The following FAH variants were observed in gnomAD, a reference collection of about 807,000 sequenced individuals.
The protein encoded by FAH is fumarylacetoacetate hydrolase.
FAH carries 47 observed loss-of-function variants against 55.8 expected under a neutral mutation model. The observed-to-expected ratio is 0.84, with a 90% CI of 0.67 to 1.07. The LOEUF is 1.07. FAH is among the 50% of genes least tolerant of loss of function. The pLI is 0.00. For synonymous variants in FAH, 199 were observed against 207.7 expected (o/e 0.96, Z 0.36); for missense variants, 495 against 545.9 (o/e 0.91, Z 0.93).
At chr15:80,155,699 T>C (rs752963756) in intron 1 of FAH, among the ~76,000 whole-genome samples, 39 of 151,474 alleles carry the variant, frequency 2.6e-4, no homozygotes, top group Middle Eastern at 3.4e-3. Flanking sequence ...CACACTGATA[T>C]TTATTGCACA....
Position 80,173,446 on chromosome 15 carries a change from A to G in FAH, c.837+302A>G, listed in dbSNP as rs1595894916. ...GCCAGTTGGCAGGAGGAGTCCCTGC[A>G]GGTACCAACATTGCACAACCTCCCA... is the stretch of plus-strand genomic sequence containing the variant. On this transcript the variant is annotated intron_variant, in intron 9 of 13. Coordinates refer to ENST00000561421, the MANE Select transcript of FAH (RefSeq NM_000137.4). 3 of 493,042 alleles carry G rather than the reference A, an allele frequency of 6.1e-6. No homozygotes were observed. The East Asian group carries it at 1.2e-4, about 19-fold the overall frequency. The allele number at this position is 493,042 out of a possible 1,614,324, so 30.5% of individuals were successfully genotyped here. A position where few individuals can be genotyped will look rare whatever the true frequency, so the allele number is the denominator to read the frequency against.
At chr15:80,176,928 C>T (rs2041289208) in intron 10 of FAH, among the ~76,000 whole-genome samples, 1 of 152,204 alleles carries the variant, frequency 6.6e-6, no homozygotes, top group East Asian at 1.9e-4. Flanking sequence ...CACACCTGTT[C>T]TGTGCCACCT....
chr15:80,177,062 T>C (rs2041290207), intron 10 of FAH, among the ~76,000 whole-genome samples: 1 of 152,222 alleles, frequency 6.6e-6, no homozygotes, highest in Non-Finnish European at 1.5e-5. Context: ...AGTAGATGTT[T>C]AGTAAATATT....
chr15:80,158,044 G>A lies in FAH; in HGVS notation c.82-16G>A, dbSNP rs1282620446. On this transcript the variant is annotated splice_polypyrimidine_tract_variant and intron_variant, in intron 1 of 13. Transcript: ENST00000561421. ...AGGGGCTTTTTCTGGTGCTGACGGT[G>A]TCGTCTTCCTCCTAGCCAAGACCGA... The A allele has an allele frequency of 1.1e-5, 18 of 1,600,040 alleles. No homozygotes were observed. The highest frequency in any genetic ancestry group is 1.5e-5 in the Non-Finnish European group (18 of 1,167,358).
chr15:80,173,335 T>G, intron 9 of FAH, 191 bp downstream of exon 9: 1 of 729,458 alleles, frequency 1.4e-6, no homozygotes, highest in Non-Finnish European at 2.4e-6. Context: ...TCATTCTCCC[T>G]TGTGGTTTCC....
In FAH at chr15:80,162,593, C is replaced by G; in HGVS notation, c.455+257C>G. 8 of 541,234 alleles carry G rather than the reference C, an allele frequency of 1.5e-5. No homozygotes were observed. The South Asian group carries it at 1.6e-4, about 11-fold the overall frequency. 33.5% of individuals were successfully genotyped at this position (541,234 alleles called of 1,614,324 possible). A position where few individuals can be genotyped will look rare whatever the true frequency, so the allele number is the denominator to read the frequency against. ...GGGGTTGGAATTAGATTCCCTTAAT[C>G]CCTATGCTCCTTCTGGAGTCTTTCA... On this transcript the variant is annotated intron_variant, in intron 5 of 13. Coordinates refer to ENST00000561421, the MANE Select transcript of FAH (RefSeq NM_000137.4).
intron 9 of FAH, among the ~76,000 whole-genome samples, chr15:80,174,747 C>T (rs2041268369): frequency 1.3e-5 from 2 of 152,198 alleles, no homozygotes. Flanking sequence ...CCTCCTGTGG[C>T]TTTCAGGAAC....
chr15:80,158,239 C>T (rs2041116784), intron 2 of FAH, 69 bp downstream of exon 2: 2 of 1,063,578 alleles, frequency 1.9e-6, no homozygotes, highest in Non-Finnish European at 3.0e-6. Context: ...CAAGAGAATG[C>T]TCCTTGCGTT....
chr15:80,171,200 C>A (rs942480172), intron 7 of FAH, among the ~76,000 whole-genome samples: 1 of 151,746 alleles, frequency 6.6e-6, no homozygotes, highest in Non-Finnish European at 1.5e-5. Context: ...CCCATTAAGT[C>A]GTCATTTAGC....
chr15:80,177,396 C>G lies in FAH; in HGVS notation c.914-141C>G, dbSNP rs1487537354. The G allele has an allele frequency of 1.9e-5, 15 of 791,340 alleles. No individual in the cohort carries two copies. In the East Asian group the frequency reaches 3.5e-4, roughly 18 times the overall value. The allele number at this position is 791,340 out of a possible 1,614,324, so 49.0% of individuals were successfully genotyped here. A position where few individuals can be genotyped will look rare whatever the true frequency, so the allele number is the denominator to read the frequency against. ...CCCTGGACCTCCCAGCTCTGATGTC[C>G]TAGGAGCTAATTGTTTCACAGACTC... On this transcript the variant is annotated intron_variant, in intron 10 of 13. Coordinates refer to ENST00000561421, the MANE Select transcript of FAH (RefSeq NM_000137.4).
Position 80,173,158 on chromosome 15 carries a change from C to T in FAH, c.837+14C>T. On this transcript the variant is annotated intron_variant, in intron 9 of 13. Coordinates refer to ENST00000561421, the MANE Select transcript of FAH (RefSeq NM_000137.4). ...AACCCGAAGCAGGTAAGCACATTCTCTGCAGGAAGCTCCCAAACCCAGCCC... is the reference window on the plus strand; with the variant it reads ...AACCCGAAGCAGGTAAGCACATTCTTTGCAGGAAGCTCCCAAACCCAGCCC... 1 of 1,614,204 alleles carries T rather than the reference C, an allele frequency of 6.2e-7. No homozygotes were observed. The highest frequency in any genetic ancestry group is 1.1e-5 in the South Asian group (1 of 91,082).
At chr15:80,163,777 C>A (rs1444140142) in intron 5 of FAH, 1 of 152,160 alleles carries the variant, frequency 6.6e-6, no homozygotes, top group African/African-American at 2.4e-5. Flanking sequence ...ATCTATCCTA[C>A]AGAAATAAAA....
chr15:80,172,394 C>T, intron 8 of FAH, 146 bp downstream of exon 8: 2 of 652,302 alleles, frequency 3.1e-6, no homozygotes, highest in Non-Finnish European at 5.5e-6. Flanking sequence ...ATCAAACAGA[C>T]TTTCAGCTCT....
intron 5 of FAH, among the ~76,000 whole-genome samples, chr15:80,165,703 C>A (rs1228846271): frequency 2.7e-5 from 4 of 150,360 alleles, no homozygotes; most frequent in Non-Finnish European, 5.9e-5. Flanking sequence ...TCAAACCCCA[C>A]CCCCCACCAA....
intron 9 of FAH, 125 bp from the exon 10 acceptor site, chr15:80,174,891 C>T (rs1304408765): frequency 2.6e-6 from 2 of 773,506 alleles, no homozygotes; most frequent in African/African-American, 3.4e-5. Context: ...AGGGAATGCT[C>T]CTGCTGTCTC....
At chr15:80,159,690 T>C (rs1174963257) in intron 2 of FAH, 66 bp from the exon 3 acceptor site, 32 of 1,598,740 alleles carry the variant, frequency 2.0e-5, no homozygotes, top group Middle Eastern at 1.7e-4. Flanking sequence ...TGGCCTTCCA[T>C]TGGAAGGAGG....
At chr15:80,184,926 T>TGAG (rs2142111595) in intron 13 of FAH, among the ~76,000 whole-genome samples, 1 of 152,240 alleles carries the variant, frequency 6.6e-6, no homozygotes, top group East Asian at 1.9e-4. Context: ...TCCATGCTGC[T>TGAG]CGCTCAGCAC....
At chr15:80,182,699 T>C (rs74027255) in intron 13 of FAH, among the ~76,000 whole-genome samples, 11,210 of 152,238 alleles carry the variant, frequency 0.074, 510 homozygotes, top group African/African-American at 0.1. Flanking sequence ...CTTAGGCTGA[T>C]AGAAGGCAGG....
intron 11 of FAH, 144 bp from the exon 12 acceptor site, chr15:80,179,980 C>G: frequency 2.9e-6 from 2 of 696,624 alleles, no homozygotes; most frequent in South Asian, 1.5e-5. Context: ...CTATAAGGGA[C>G]TGGAGAGAGC....
Sources: allele counts gnomAD v4.1 joint callset (sites outside exome capture counted in the v4.1 genomes callset), GRCh38; gene constraint gnomAD v4.1.1; transcripts MANE v1.5; gene names NCBI Gene and HGNC (gene_info 2026-07-23, HGNC 2026-07-21).